The following SNAPC3 variants were observed in gnomAD, a reference collection of about 807,000 sequenced individuals.
The protein encoded by SNAPC3 is snRNA-activating protein complex subunit 3.
In SNAPC3, 56 loss-of-function variants were observed where a neutral mutation model predicts 47.7. The ratio of observed to expected loss-of-function variants is 1.18; its 90% CI spans 0.95 to 1.47. The LOEUF (loss-of-function observed/expected upper bound fraction) is 1.47, where lower values mean the gene tolerates loss of function less well. Among genes scored for constraint, SNAPC3 ranks in the 40% most tolerant of loss-of-function variants. SNAPC3 has a pLI of 0.00. For synonymous variants in SNAPC3, 235 were observed against 189.9 expected (o/e 1.24, Z -1.95); for missense variants, 665 against 511.3 (o/e 1.30, Z -2.90).
chr9:15,441,701 G>C (rs985307591), intron 3 of SNAPC3, among the ~76,000 whole-genome samples: 2 of 152,114 alleles, frequency 1.3e-5, no homozygotes, highest in African/African-American at 2.4e-5. Context: ...TCAGAGAGCA[G>C]GGGGTTGGGG....
intron 2 of SNAPC3, among the ~76,000 whole-genome samples, chr9:15,424,325 T>G (rs533393873): frequency 6.6e-6 from 1 of 152,234 alleles, no homozygotes; most frequent in Non-Finnish European, 1.5e-5. Flanking sequence ...TCAGTCCATA[T>G]TCAAACTTGT....
chr9:15,424,565 TAATTA>T (rs1333402730), intron 2 of SNAPC3, among the ~76,000 whole-genome samples: 1 of 152,222 alleles, frequency 6.6e-6, no homozygotes, highest in Non-Finnish European at 1.5e-5. Context: ...TTCAAATTTT[TAATTA>T]AATTCAATAG....
chr9:15,432,340 G>A (rs1267125204), intron 2 of SNAPC3, among the ~76,000 whole-genome samples: 1 of 152,084 alleles, frequency 6.6e-6, no homozygotes, highest in African/African-American at 2.4e-5. Context: ...GCCTATCTCA[G>A]CTGAGAGGCC....
chr9:15,426,209 CTG>C (rs2031375120), intron 2 of SNAPC3, among the ~76,000 whole-genome samples: 1 of 152,296 alleles, frequency 6.6e-6, no homozygotes, highest in South Asian at 2.1e-4. Flanking sequence ...CCACACTGCA[CTG>C]TGTTTCAGTT....
At chr9:15,465,723 G>A, downstream of SNAPC3, 1 of 605,118 alleles carries the variant, frequency 1.7e-6, no homozygotes, top group Non-Finnish European at 2.8e-6. Flanking sequence ...CTTGTTATTA[G>A]AACAGTCATT....
downstream of SNAPC3, chr9:15,465,217 A>C: frequency 3.5e-6 from 1 of 287,030 alleles, no homozygotes; most frequent in Admixed American, 5.2e-5. Context: ...TTGTTCTACT[A>C]TCAATTACAC....
Position 15,460,785 on chromosome 9 carries a change from T to C in SNAPC3, c.*919T>C, listed in dbSNP as rs1282628766. 4 of 152,270 alleles carry C rather than the reference T, an allele frequency of 2.6e-5. No individual in the cohort carries two copies. The allele number at this position is 152,270 out of a possible 1,614,324, so 9.4% of individuals were successfully genotyped here. ...TACAAGACATGTTAATAAGACTATG[T>C]GAATAATGAATTTAAAAAGATCTTG... is the stretch of plus-strand genomic sequence containing the variant. On this transcript the variant is annotated 3_prime_UTR_variant, in exon 9 of 9. Transcript: ENST00000380821.
At chr9:15,454,262 G>T (rs978378969) in intron 7 of SNAPC3, among the ~76,000 whole-genome samples, 1 of 151,614 alleles carries the variant, frequency 6.6e-6, no homozygotes, top group Non-Finnish European at 1.5e-5. Flanking sequence ...GAAAGAAGCT[G>T]ATGCTTTCAG....
rs903254838 is a variant in SNAPC3, at chr9:15,453,346, T to C, written c.980+141T>C. On this transcript the variant is annotated intron_variant, in intron 7 of 8. Transcript: ENST00000380821. ...TGGCTTGGGAGCAGCAAAAATACTG[T>C]CTTCTTTCCATGCAAATACCAACTC... is the stretch of plus-strand genomic sequence containing the variant. 24 of 573,898 alleles carry C rather than the reference T, an allele frequency of 4.2e-5. No homozygotes were observed. In the Admixed American group the frequency reaches 4.3e-4, roughly 10 times the overall value. The allele number at this position is 573,898 out of a possible 1,614,324, so 35.6% of individuals were successfully genotyped here.
At chr9:15,424,014 AT>A in intron 2 of SNAPC3, 28 bp downstream of exon 2, 1 of 1,288,528 alleles carries the variant, frequency 7.8e-7, no homozygotes, top group Non-Finnish European at 1.1e-6. Context: ...TTTATGACCT[AT>A]TTATTTAAAC....
At chr9:15,423,862 C>A (rs372426774) in intron 1 of SNAPC3, 47 bp from the exon 2 acceptor site, 5 of 1,096,846 alleles carry the variant, frequency 4.6e-6, no homozygotes, top group Non-Finnish European at 6.6e-6. Context: ...CGCTGTGAAC[C>A]AGATGCAGAG....
chr9:15,460,900 CAATTT>C lies in SNAPC3; in HGVS notation c.*1038_*1042del, dbSNP rs1433766408. 3 of 152,010 alleles carry C rather than the reference CAATTT, an allele frequency of 2.0e-5. No individual in the cohort carries two copies. Among genetic ancestry groups the C allele is most frequent in the African/African-American group, 4.8e-5 (2 of 41,410 alleles). The allele number at this position is 152,010 out of a possible 1,614,324, so 9.4% of individuals were successfully genotyped here. On this transcript the variant is annotated 3_prime_UTR_variant, in exon 9 of 9. Transcript: ENST00000380821. ...TGAATGTTATGAGTTTAAAATATGT[CAATTT>C]AATACTATGATTTAAAAAACAATAG...
At chr9:15,466,685 G>A, downstream of SNAPC3, 2 of 1,307,890 alleles carry the variant, frequency 1.5e-6, no homozygotes, top group Non-Finnish European at 2.1e-6. Flanking sequence ...CCTTGGAACA[G>A]AACTGTGATT....
chr9:15,423,263 C>G, intron 1 of SNAPC3, 70 bp downstream of exon 1: 4 of 1,419,474 alleles, frequency 2.8e-6, no homozygotes, highest in Non-Finnish European at 3.7e-6. Context: ...GTGCGCTCCT[C>G]TGGGACTCAT....
intron 7 of SNAPC3, among the ~76,000 whole-genome samples, chr9:15,455,999 C>T (rs1432955154): frequency 6.6e-6 from 1 of 152,300 alleles, no homozygotes; most frequent in African/African-American, 2.4e-5. Flanking sequence ...CTCAGCCTCC[C>T]GAGTAGCTGG....
Position 15,460,074 on chromosome 9 carries a change from GTATT to G in SNAPC3, c.*211_*214del, listed in dbSNP as rs2035090982. The G allele has an allele frequency of 2.6e-5, 10 of 385,844 alleles. 1 individual carries two copies. In the Middle Eastern group the frequency reaches 4.2e-3, roughly 161 times the overall value. 23.9% of individuals were successfully genotyped at this position (385,844 alleles called of 1,614,324 possible). On this transcript the variant is annotated 3_prime_UTR_variant, in exon 9 of 9. Transcript: ENST00000380821. Reference sequence around the variant, plus strand: ...TTTAATTTTATATTTATTCCAGATAGTATTTAATTTAGTGCTTTTTACCCATTTT... The same window carrying G: ...TTTAATTTTATATTTATTCCAGATAGTAATTTAGTGCTTTTTACCCATTTT...
chr9:15,433,313 T>C (rs1274216222), intron 2 of SNAPC3, among the ~76,000 whole-genome samples: 1 of 152,056 alleles, frequency 6.6e-6, no homozygotes, highest in Non-Finnish European at 1.5e-5. Context: ...TGTGAAATTT[T>C]AAAAAGGCGT....
At chr9:15,424,213 C>A (rs1449538033) in intron 2 of SNAPC3, among the ~76,000 whole-genome samples, 1 of 151,924 alleles carries the variant, frequency 6.6e-6, no homozygotes, top group African/African-American at 2.4e-5. Flanking sequence ...ATAATTTACC[C>A]GTAAATACAT....
chr9:15,442,379 C>A (rs906509461), intron 3 of SNAPC3, among the ~76,000 whole-genome samples: 12 of 150,080 alleles, frequency 8.0e-5, no homozygotes, highest in Non-Finnish European at 1.6e-4. Context: ...CCAGACAGGG[C>A]AGCTGCTGGG....
Sources: allele counts gnomAD v4.1 joint callset (sites outside exome capture counted in the v4.1 genomes callset), GRCh38; gene constraint gnomAD v4.1.1; transcripts MANE v1.5; gene names NCBI Gene and HGNC (gene_info 2026-07-23, HGNC 2026-07-21).